Variants in LIN54 observed in about 807,000 individuals in gnomAD.
LIN54 encodes the protein protein lin-54 homolog.
A neutral mutation model predicts 78.7 loss-of-function variants in LIN54; 9 were observed. The ratio of observed to expected loss-of-function variants is 0.11; its 90% CI spans 0.07 to 0.20. The LOEUF (loss-of-function observed/expected upper bound fraction) is 0.20. Among genes scored for constraint, LIN54 ranks in the 10% least tolerant of loss-of-function variants. The probability of loss-of-function intolerance (pLI) is 1.00; values close to 1 mark genes in which losing one functional copy is unlikely to be tolerated. For synonymous variants in LIN54, 269 were observed against 318.4 expected (o/e 0.84, Z 1.65); for missense variants, 573 against 889.9 (o/e 0.64, Z 4.53).
At chr4:83,012,186 C>G (rs1729890687), upstream of LIN54, 1 of 292,954 alleles carries the variant, frequency 3.4e-6, no homozygotes, top group Non-Finnish European at 5.1e-6. Flanking sequence ...CTGACGGCCC[C>G]GTCCATCCGC....
intron 4 of LIN54, among the ~76,000 whole-genome samples, chr4:82,949,948 C>A (rs563558562): frequency 6.9e-6 from 1 of 145,600 alleles, no homozygotes; most frequent in Non-Finnish European, 1.5e-5. Flanking sequence ...CAGGTTCAAG[C>A]GATTCTCCTA....
chr4:83,012,700 G>A (rs2126121875), upstream of LIN54: 1 of 152,006 alleles, frequency 6.6e-6, no homozygotes, highest in South Asian at 2.1e-4. Flanking sequence ...GCGGTCCAGC[G>A]CTCTCCGCCC....
chr4:82,970,261 T>C, intron 4 of LIN54, 66 bp downstream of exon 4: 1 of 1,438,360 alleles, frequency 7.0e-7, no homozygotes, highest in East Asian at 2.3e-5. Context: ...GTATCTGAAG[T>C]GACTAGTAAG....
chr4:82,997,604 G>C (rs1728327310), intron 1 of LIN54, among the ~76,000 whole-genome samples: 1 of 151,944 alleles, frequency 6.6e-6, no homozygotes, highest in African/African-American at 2.4e-5. Flanking sequence ...CCTCATCTGA[G>C]GATTTTGGAG....
chr4:82,930,819 G>T, intron 12 of LIN54, 124 bp downstream of exon 12: 1 of 796,714 alleles, frequency 1.3e-6, no homozygotes, highest in Non-Finnish European at 2.0e-6. Flanking sequence ...AACTAAAGAT[G>T]GAAAGAAAAC....
chr4:83,007,626 G>A (rs945341373), intron 1 of LIN54, among the ~76,000 whole-genome samples: 7 of 152,180 alleles, frequency 4.6e-5, no homozygotes, highest in East Asian at 1.9e-4. Context: ...GGTGGCTAAC[G>A]CCTGTAACCT....
At chr4:82,937,927 T>C (rs1008164667) in intron 8 of LIN54, among the ~76,000 whole-genome samples, 1 of 151,928 alleles carries the variant, frequency 6.6e-6, no homozygotes, top group Non-Finnish European at 1.5e-5. Context: ...GCCCAGGAGG[T>C]GGAGATTAGC....
At chr4:82,984,907 A>G in intron 1 of LIN54, 31 bp from the exon 2 acceptor site, 1 of 1,444,212 alleles carries the variant, frequency 6.9e-7, no homozygotes, top group Non-Finnish European at 9.3e-7. Context: ...TGAACAAGTT[A>G]CTAGGTTTCA....
intron 2 of LIN54, among the ~76,000 whole-genome samples, chr4:82,979,939 C>CAGAAAAAAAAAAAAAAAA (rs1726488955): frequency 2.0e-5 from 1 of 49,872 alleles, no homozygotes; most frequent in Non-Finnish European, 3.5e-5. Context: ...GACTCTGTCT[C>CAGAAAAAAAAAAAAAAAA]AAAAAAAAAA....
chr4:82,970,553 G>A (rs1725560363), intron 3 of LIN54, 84 bp from the exon 4 acceptor site: 2 of 1,215,918 alleles, frequency 1.6e-6, no homozygotes, highest in East Asian at 2.4e-5. Flanking sequence ...CACTCACAAG[G>A]ACTGCAGAAT....
intron 2 of LIN54, among the ~76,000 whole-genome samples, chr4:82,980,967 C>T (rs867160287): frequency 7.2e-5 from 11 of 152,014 alleles, no homozygotes; most frequent in Non-Finnish European, 1.2e-4. Flanking sequence ...CTCATCTTGC[C>T]CTTGTGGTTA....
intron 1 of LIN54, among the ~76,000 whole-genome samples, chr4:83,005,688 T>C (rs1010063010): frequency 5.3e-5 from 8 of 151,390 alleles, no homozygotes; most frequent in Non-Finnish European, 1.0e-4. Flanking sequence ...ACGTATACAC[T>C]GTTGGTGAAA....
chr4:82,980,859 A>C (rs1037109837), intron 2 of LIN54, among the ~76,000 whole-genome samples: 1 of 152,176 alleles, frequency 6.6e-6, no homozygotes, highest in Non-Finnish European at 1.5e-5. Flanking sequence ...CCCCATTTTA[A>C]ACTGATTTTT....
Position 82,987,083 on chromosome 4 carries a change from G to A in LIN54, c.-32-2207C>T, listed in dbSNP as rs148454261. Among the ~76,000 whole-genome samples, 470 of 152,306 alleles carry A rather than the reference G, an allele frequency of 3.1e-3. 20 individuals carry two copies. In the East Asian group the frequency reaches 0.082, roughly 27 times the overall value. ...AGGTGGGCAGATCACCTGAGGTCAG[G>A]TGTTCGAGACCAGCCTGGCCAACAT... On this transcript the variant is annotated intron_variant, in intron 1 of 12. Transcript: ENST00000340417.
At chr4:82,957,648 C>T (rs1472908390) in intron 4 of LIN54, among the ~76,000 whole-genome samples, 2 of 152,160 alleles carry the variant, frequency 1.3e-5, no homozygotes, top group Non-Finnish European at 2.9e-5. Context: ...CTAAACCATA[C>T]CCATAGAAAA....
chr4:82,954,173 T>G (rs1724089856), intron 4 of LIN54, among the ~76,000 whole-genome samples: 1 of 152,166 alleles, frequency 6.6e-6, no homozygotes, highest in Non-Finnish European at 1.5e-5. Context: ...GACTAAATTT[T>G]GACTTATTTA....
intron 9 of LIN54, among the ~76,000 whole-genome samples, chr4:82,936,670 TCA>T: frequency 2.7e-5 from 1 of 36,480 alleles, no homozygotes; most frequent in African/African-American, 8.5e-5. Context: ...AAATTATATG[TCA>T]CACATATAAA....
In LIN54 at chr4:82,979,003, C is replaced by T. The variant is rs369872325; in HGVS notation, c.688G>A (p.Ala230Thr). 3 of 1,577,666 alleles carry T rather than the reference C, an allele frequency of 1.9e-6. No individual in the cohort carries two copies. Among genetic ancestry groups the T allele is most frequent in the African/African-American group, 2.7e-5 (2 of 74,480 alleles). Reference sequence around the variant, plus strand: ...GAGGTTGGCGTTCGAGGCTTCTTAGCAATCTGAAACATATAAATAACTATG... The same window carrying T: ...GAGGTTGGCGTTCGAGGCTTCTTAGTAATCTGAAACATATAAATAACTATG... ...QTQQLKTVQI[A>T]KKPRTPTSGP... is the part of the protein sequence containing the mutation. The change falls in exon 3 of 13, where the codon GCT (alanine) becomes ACT (threonine). Residue 230 changes from alanine (A) to threonine (T), a missense_variant. Around this residue, in one of 6 missense-constraint regions of LIN54, gnomAD observed 199 missense variants for 260.9 expected, o/e 0.76. Transcript: ENST00000340417.
At position 82,936,312 on chromosome 4, in the gene LIN54, C is replaced by T; in HGVS notation, c.1674G>A (p.Leu558=). The T allele has an allele frequency of 1.3e-6, 2 of 1,575,520 alleles. No homozygotes were observed. The highest frequency in any genetic ancestry group is 1.1e-5 in the South Asian group (1 of 87,396). ...CTTTTTGCCTTTCATTTTCATGTTC[C>T]AAATTGTTGTAACAATTAGTACAAT... ...NCNCTNCYNN[L]EHENERQKAI... The change falls in exon 10 of 13, where the codon TTG becomes TTA. Residue 558 remains leucine, a synonymous_variant. Coordinates refer to ENST00000340417, the MANE Select transcript of LIN54 (RefSeq NM_194282.4).
Sources: gnomAD v4.1 joint callset for allele counts (sites outside exome capture counted in the v4.1 genomes callset) on GRCh38, gnomAD v4.1.1 for gene constraint, gnomAD v4.1.1 regional missense constraint, MANE v1.5 for transcripts, NCBI Gene and HGNC (gene_info 2026-07-23, HGNC 2026-07-21) for gene names.